Variants in SPATS2 observed in about 807,000 individuals in gnomAD.
SPATS2 encodes spermatogenesis-associated serine-rich protein 2.
SPATS2 carries 38 observed loss-of-function variants against 63.7 expected under a neutral mutation model. That is an observed-to-expected ratio of 0.60 (90% CI 0.46 to 0.78). The LOEUF (loss-of-function observed/expected upper bound fraction) is 0.78, where lower values mean the gene tolerates loss of function less well. SPATS2 is among the 30% of genes least tolerant of loss of function. The pLI is 0.00. For missense variants in SPATS2, 588 were observed against 666.2 expected, an observed-to-expected ratio of 0.88 and a Z score of 1.29; for synonymous variants, 207 against 232.9, an observed-to-expected ratio of 0.89 and a Z score of 1.01.
chr12:49,519,800 C>T (rs1465305716), intron 11 of SPATS2, among the ~76,000 whole-genome samples: 1 of 151,144 alleles, frequency 6.6e-6, no homozygotes, highest in Non-Finnish European at 1.5e-5. Flanking sequence ...CTGCCTCCAA[C>T]TACAGTTACC....
At chr12:49,412,570 G>A (rs1944815934) in intron 2 of SPATS2, among the ~76,000 whole-genome samples, 1 of 151,868 alleles carries the variant, frequency 6.6e-6, no homozygotes, top group Non-Finnish European at 1.5e-5. Flanking sequence ...TTGATTATGT[G>A]TGTGTGTAAA....
intron 2 of SPATS2, among the ~76,000 whole-genome samples, chr12:49,425,569 C>G (rs938772935): frequency 6.6e-6 from 1 of 152,188 alleles, no homozygotes; most frequent in African/African-American, 2.4e-5. Flanking sequence ...ATCCATCTAC[C>G]TTGGCCTCCC....
At chr12:49,501,034 C>G (rs1421255434) in intron 9 of SPATS2, among the ~76,000 whole-genome samples, 1 of 152,122 alleles carries the variant, frequency 6.6e-6, no homozygotes, top group Non-Finnish European at 1.5e-5. Context: ...TCACTGTAGC[C>G]TCAGCCTCCT....
intron 2 of SPATS2, among the ~76,000 whole-genome samples, chr12:49,419,088 T>C (rs1944937355): frequency 6.6e-6 from 1 of 152,168 alleles, no homozygotes; most frequent in African/African-American, 2.4e-5. Flanking sequence ...CTGAGTGGTT[T>C]GGAGGGAGTA....
chr12:49,469,476 C>T, intron 3 of SPATS2: 1 of 383,972 alleles, frequency 2.6e-6, no homozygotes, highest in Non-Finnish European at 5.0e-6. Context: ...AGGGGAATCA[C>T]TCAAGCCTGG....
intron 2 of SPATS2, among the ~76,000 whole-genome samples, chr12:49,435,623 G>C (rs117624963): frequency 0.018 from 2,649 of 150,314 alleles, 43 homozygotes; most frequent in South Asian, 0.053. Flanking sequence ...ACCGTGCCCG[G>C]CTACTGAATG....
At chr12:49,503,139 C>T (rs1292885968) in intron 9 of SPATS2, among the ~76,000 whole-genome samples, 1 of 152,024 alleles carries the variant, frequency 6.6e-6, no homozygotes, top group Non-Finnish European at 1.5e-5. Flanking sequence ...ATCACAAGGT[C>T]AAGAGTTCAA....
intron 2 of SPATS2, among the ~76,000 whole-genome samples, chr12:49,423,627 A>G (rs1019026271): frequency 2.6e-5 from 4 of 152,222 alleles, no homozygotes; most frequent in African/African-American, 9.6e-5. Flanking sequence ...TAAGCATTCA[A>G]TGAATATTAG....
chr12:49,458,578 A>G (rs1945761853), intron 2 of SPATS2, among the ~76,000 whole-genome samples: 2 of 152,060 alleles, frequency 1.3e-5, no homozygotes, highest in Non-Finnish European at 2.9e-5. Flanking sequence ...TCAGGAGTTC[A>G]AGACCAGCCT....
At chr12:49,484,796 A>G (rs902126621) in intron 4 of SPATS2, 127 bp downstream of exon 4, 2 of 742,250 alleles carry the variant, frequency 2.7e-6, no homozygotes, top group Non-Finnish European at 4.4e-6. Context: ...GCCACTATAT[A>G]TCAGAGAGTG....
chr12:49,468,411 C>T (rs1945968683), intron 3 of SPATS2, among the ~76,000 whole-genome samples: 1 of 152,102 alleles, frequency 6.6e-6, no homozygotes, highest in South Asian at 2.1e-4. Context: ...CTGCCTGCCT[C>T]GACCTCCCAA....
chr12:49,421,191 G>A (rs145749869), intron 2 of SPATS2, among the ~76,000 whole-genome samples: 6,848 of 152,004 alleles, frequency 0.045, 345 homozygotes, highest in African/African-American at 0.12. Context: ...AGGCCGAGGC[G>A]GGCGGATCAT....
intron 10 of SPATS2, 54 bp from the exon 11 acceptor site, chr12:49,519,019 T>G: frequency 7.7e-6 from 11 of 1,431,252 alleles, no homozygotes; most frequent in Non-Finnish European, 1.1e-5. Flanking sequence ...TTTCTAGTTC[T>G]TCTTTATCCT....
At chr12:49,467,044 G>GTTTTT (rs59350335) in intron 3 of SPATS2, among the ~76,000 whole-genome samples, 3 of 75,778 alleles carry the variant, frequency 4.0e-5, no homozygotes, top group Non-Finnish European at 5.4e-5. Flanking sequence ...TTTGTTCTTT[G>GTTTTT]TTTTTTTTTT....
At chr12:49,397,562 T>C (rs565462296) in intron 2 of SPATS2, among the ~76,000 whole-genome samples, 10 of 152,244 alleles carry the variant, frequency 6.6e-5, no homozygotes, top group African/African-American at 2.4e-4. Context: ...GTGCTGTGGC[T>C]CACTCCTGTA....
chr12:49,471,651 T>A (rs773052217), intron 3 of SPATS2, among the ~76,000 whole-genome samples: 4 of 152,204 alleles, frequency 2.6e-5, no homozygotes, highest in Non-Finnish European at 4.4e-5. Flanking sequence ...GTTTTAACCA[T>A]TTTTAAGTGT....
intron 2 of SPATS2, chr12:49,389,702 G>A: frequency 6.5e-7 from 1 of 1,550,128 alleles, no homozygotes; most frequent in South Asian, 1.1e-5. Context: ...ATCGGCCACG[G>A]TCCACGTTAG....
intron 9 of SPATS2, 96 bp downstream of exon 9, chr12:49,500,301 A>G: frequency 1.5e-6 from 2 of 1,323,838 alleles, no homozygotes; most frequent in South Asian, 1.6e-5. Flanking sequence ...ATTCATGACT[A>G]ACTACATAGT....
rs954004287 is a variant in SPATS2 at position 49,468,624 on chromosome 12, G to A, written c.25+7587G>A. Among the ~76,000 whole-genome samples, 5 of 151,762 alleles carry A rather than the reference G, an allele frequency of 3.3e-5. No homozygotes were observed. The East Asian group carries it at 5.8e-4, about 18-fold the overall frequency. On this transcript the variant is annotated intron_variant, in intron 3 of 13. Coordinates refer to ENST00000552918, the MANE Select transcript of SPATS2 (RefSeq NM_023071.4). ...CTCAAGTAGCTGGGACTACAGATAC[G>A]TGTCATCATGCCTGGCTAATTTTTG...
Sources: gnomAD v4.1 joint callset for allele counts (sites outside exome capture counted in the v4.1 genomes callset) on GRCh38, gnomAD v4.1.1 for gene constraint, MANE v1.5 for transcripts, NCBI Gene and HGNC (gene_info 2026-07-23, HGNC 2026-07-21) for gene names.